Variants in HS3ST3B1 observed in about 807,000 individuals in gnomAD.
The protein encoded by HS3ST3B1 is heparan sulfate glucosamine 3-O-sulfotransferase 3B1.
HS3ST3B1 carries 13 observed loss-of-function variants against 21.3 expected under a neutral mutation model. The observed-to-expected ratio is 0.61, with a 90% CI of 0.40 to 0.97. The LOEUF (loss-of-function observed/expected upper bound fraction) is 0.97, where lower values mean the gene tolerates loss of function less well. HS3ST3B1 is among the 50% of genes least tolerant of loss of function. The probability of loss-of-function intolerance (pLI) is 0.00; values close to 1 mark genes in which losing one functional copy is unlikely to be tolerated. For missense variants in HS3ST3B1, 459 were observed against 554.8 expected, an observed-to-expected ratio of 0.83 and a Z score of 1.73; for synonymous variants, 234 against 254.8, an observed-to-expected ratio of 0.92 and a Z score of 0.78.
intron 1 of HS3ST3B1, chr17:14,305,306 CAA>C (rs1193487785): frequency 6.6e-6 from 1 of 152,194 alleles, no homozygotes; most frequent in Admixed American, 6.5e-5. Flanking sequence ...GAGAACCTCA[CAA>C]AGAGGCTCAT....
In HS3ST3B1 at chr17:14,339,091, C is replaced by T. The variant is rs556736639; in HGVS notation, c.555-5937C>T. Reference sequence around the variant, plus strand: ...TGGAGATGCTGTCTAGCCCCATCAGCCTCACAAACATCTATTAGTGATATG... The same window carrying T: ...TGGAGATGCTGTCTAGCCCCATCAGTCTCACAAACATCTATTAGTGATATG... On this transcript the variant is annotated intron_variant, in intron 1 of 1. Transcript: ENST00000360954. 5.3e-5 allele frequency among the ~76,000 whole-genome samples: 8 copies of T among 152,256 alleles called. No homozygotes were observed. In the East Asian group the frequency reaches 1.2e-3, roughly 22 times the overall value.
chr17:14,330,125 C>T (rs1402884911), intron 1 of HS3ST3B1, among the ~76,000 whole-genome samples: 2 of 152,188 alleles, frequency 1.3e-5, no homozygotes, highest in Non-Finnish European at 2.9e-5. Context: ...GGCTGAGTGC[C>T]TCATTTTAAG....
chr17:14,302,052 C>T lies in HS3ST3B1; in HGVS notation c.534C>T (p.Asp178=), dbSNP rs763473697. The change falls in exon 1 of 2, where the codon GAC becomes GAT. Residue 178 remains aspartate, a synonymous_variant. Transcript: ENST00000360954. ...CCCATTTCTTCGATCGCAGCTACGACAAGGGCCTCGCTTGGTACCGGTGAG... is the reference window on the plus strand; with the variant it reads ...CCCATTTCTTCGATCGCAGCTACGATAAGGGCCTCGCTTGGTACCGGTGAG... ...AEPHFFDRSY[D]KGLAWYRDLM... The T allele has an allele frequency of 1.2e-6, 2 of 1,604,462 alleles. No homozygotes were observed. The highest frequency in any genetic ancestry group is 1.7e-6 in the Non-Finnish European group (2 of 1,178,824).
rs771319842 is a variant in HS3ST3B1, at chr17:14,345,622, C to T, written c.1149C>T (p.Thr383=). 23 of 1,613,356 alleles carry T rather than the reference C, an allele frequency of 1.4e-5. No individual in the cohort carries two copies. Among genetic ancestry groups the T allele is most frequent in the Non-Finnish European group, 1.9e-5 (23 of 1,179,676 alleles). The stretch of plus-strand genomic sequence containing the variant: ...TCAACCTCAAGTTCTACCAGATGAC[C>T]GGGCACGACTTTGGCTGGGATTGAG... The part of the protein sequence containing the change: ...RPFNLKFYQM[T]GHDFGWD Residue 383 remains threonine, a synonymous_variant, in exon 2 of 2, where the codon ACC becomes ACT. Transcript: ENST00000360954.
chr17:14,342,092 G>A (rs1910403875), intron 1 of HS3ST3B1, among the ~76,000 whole-genome samples: 1 of 152,152 alleles, frequency 6.6e-6, no homozygotes, highest in African/African-American at 2.4e-5. Flanking sequence ...CGCCCTCTAG[G>A]GAATTGCCTT....
chr17:14,304,174 G>T (rs1264905078), intron 1 of HS3ST3B1: 2 of 152,234 alleles, frequency 1.3e-5, no homozygotes, highest in East Asian at 1.9e-4. Context: ...CCGGGCGGCC[G>T]CAAGGGCTTG....
chr17:14,347,205 G>C lies in HS3ST3B1; in HGVS notation c.*1559G>C, dbSNP rs543270106. Reference sequence around the variant, plus strand: ...CCTTGAGCCTGATGCTCATACAGCTGTCCCTTGTTTTAGCCAGGTCTTGAC... The same window carrying C: ...CCTTGAGCCTGATGCTCATACAGCTCTCCCTTGTTTTAGCCAGGTCTTGAC... On this transcript the variant is annotated 3_prime_UTR_variant, in exon 2 of 2. Transcript: ENST00000360954. 6 of 152,328 alleles carry C rather than the reference G, an allele frequency of 3.9e-5. No individual in the cohort carries two copies. Among genetic ancestry groups the C allele is most frequent in the Admixed American group, 2.0e-4 (3 of 15,300 alleles). The allele number at this position is 152,328 out of a possible 1,614,324, so 9.4% of individuals were successfully genotyped here. A position where few individuals can be genotyped will look rare whatever the true frequency, so the allele number is the denominator to read the frequency against.
chr17:14,342,778 GACTTTAGATCCCAAATTCCTT>G (rs2142354416), intron 1 of HS3ST3B1, among the ~76,000 whole-genome samples: 1 of 152,252 alleles, frequency 6.6e-6, no homozygotes, highest in Admixed American at 6.5e-5. Flanking sequence ...CAGGCAGTCT[GACTTTAGATCCCAAATTCCTT>G]AACTAATTTA....
At chr17:14,304,306 C>G (rs1216223657) in intron 1 of HS3ST3B1, 1 of 152,258 alleles carries the variant, frequency 6.6e-6, no homozygotes, top group Admixed American at 6.5e-5. Context: ...ATCGGGCTGC[C>G]GGAGGAGCCC....
At chr17:14,305,251 T>C (rs1325896285) in intron 1 of HS3ST3B1, 2 of 152,308 alleles carry the variant, frequency 1.3e-5, no homozygotes, top group Non-Finnish European at 2.9e-5. Flanking sequence ...CAGTTCATTA[T>C]GCAGCCCTCT....
At chr17:14,336,915 G>A (rs138127404) in intron 1 of HS3ST3B1, among the ~76,000 whole-genome samples, 85 of 152,106 alleles carry the variant, frequency 5.6e-4, no homozygotes, top group African/African-American at 1.9e-3. Flanking sequence ...CCAAGATTTT[G>A]GGGACACATC....
chr17:14,317,060 C>A (rs148009463), intron 1 of HS3ST3B1, among the ~76,000 whole-genome samples: 1 of 152,360 alleles, frequency 6.6e-6, no homozygotes, highest in African/African-American at 2.4e-5. Context: ...TTGGCAAGGA[C>A]ATTTCACATG....
chr17:14,326,549 C>T (rs1233169942), intron 1 of HS3ST3B1, among the ~76,000 whole-genome samples: 3 of 152,162 alleles, frequency 2.0e-5, no homozygotes, highest in African/African-American at 7.2e-5. Flanking sequence ...GGCCCAATGG[C>T]TGTCTCATTG....
At chr17:14,313,461 C>T (rs1449102081) in intron 1 of HS3ST3B1, among the ~76,000 whole-genome samples, 1 of 152,200 alleles carries the variant, frequency 6.6e-6, no homozygotes, top group Non-Finnish European at 1.5e-5. Flanking sequence ...GCTCTTCCTA[C>T]ACAAAAGGAG....
chr17:14,343,079 C>T (rs747026462), intron 1 of HS3ST3B1, among the ~76,000 whole-genome samples: 2 of 151,830 alleles, frequency 1.3e-5, no homozygotes, highest in East Asian at 1.9e-4. Flanking sequence ...CCATCTCTAC[C>T]AAAAATACAA....
intron 1 of HS3ST3B1, among the ~76,000 whole-genome samples, chr17:14,344,760 C>T (rs569026032): frequency 2.8e-4 from 42 of 152,258 alleles, no homozygotes; most frequent in Middle Eastern, 6.8e-3. Context: ...AAAGGTTATA[C>T]CCACAAGAGG....
chr17:14,331,420 T>C (rs1910008297), intron 1 of HS3ST3B1, among the ~76,000 whole-genome samples: 1 of 152,044 alleles, frequency 6.6e-6, no homozygotes, highest in Non-Finnish European at 1.5e-5. Flanking sequence ...GAGATGCTCT[T>C]TTGAGCTCCA....
At chr17:14,332,092 G>T (rs1315331768) in intron 1 of HS3ST3B1, among the ~76,000 whole-genome samples, 1 of 152,098 alleles carries the variant, frequency 6.6e-6, no homozygotes, top group Non-Finnish European at 1.5e-5. Flanking sequence ...TCCCTGGCTG[G>T]GTGTCTTATC....
At chr17:14,338,403 T>C (rs527926522) in intron 1 of HS3ST3B1, among the ~76,000 whole-genome samples, 14 of 151,772 alleles carry the variant, frequency 9.2e-5, no homozygotes, top group African/African-American at 2.9e-4. Context: ...GGATTACAGA[T>C]GTGAGCCAAC....
Sources: allele counts gnomAD v4.1 joint callset (sites outside exome capture counted in the v4.1 genomes callset), GRCh38; gene constraint gnomAD v4.1.1; transcripts MANE v1.5; gene names NCBI Gene and HGNC (gene_info 2026-07-23, HGNC 2026-07-21).